Variants in SLC26A3 observed in about 807,000 individuals in gnomAD.
The protein encoded by SLC26A3 is solute carrier family 26 member 3, also known as chloride anion exchanger.
In SLC26A3, 64 loss-of-function variants were observed where a neutral mutation model predicts 85.6. That is an observed-to-expected ratio of 0.75 (90% CI 0.61 to 0.92). The LOEUF (loss-of-function observed/expected upper bound fraction) is 0.92, where lower values mean the gene tolerates loss of function less well. Ranked by LOEUF, SLC26A3 falls within the 40% of genes least tolerant of loss-of-function variation. The pLI is 0.00. For missense variants in SLC26A3, 922 were observed against 927.3 expected, an observed-to-expected ratio of 0.99 and a Z score of 0.07; for synonymous variants, 349 against 336.0, an observed-to-expected ratio of 1.04 and a Z score of -0.42.
At chr7:107,789,982 G>A (rs1794365419) in intron 5 of SLC26A3, among the ~76,000 whole-genome samples, 1 of 152,100 alleles carries the variant, frequency 6.6e-6, no homozygotes, top group Non-Finnish European at 1.5e-5. Context: ...ATTTTTAAGT[G>A]TGCTGTCTTT....
chr7:107,789,188 C>T (rs1794350800), intron 6 of SLC26A3, among the ~76,000 whole-genome samples: 1 of 148,412 alleles, frequency 6.7e-6, no homozygotes, highest in Non-Finnish European at 1.5e-5. Flanking sequence ...GTGATCTCAA[C>T]TCACTGCAAG....
chr7:107,770,479 A>G (rs1794011531), intron 18 of SLC26A3, among the ~76,000 whole-genome samples: 1 of 151,636 alleles, frequency 6.6e-6, no homozygotes, highest in Admixed American at 6.6e-5. Context: ...GCTAGTCTCA[A>G]ACGCTGGGGC....
At chr7:107,786,138 G>A (rs546046536) in intron 8 of SLC26A3, among the ~76,000 whole-genome samples, 2 of 152,276 alleles carry the variant, frequency 1.3e-5, no homozygotes, top group South Asian at 2.1e-4. Context: ...TATCTGGACT[G>A]CTCACGTGGA....
rs2115844472 is a variant in SLC26A3 at position 107,783,113 on chromosome 7, G to A, written c.1120-20C>T. The A allele has an allele frequency of 2.4e-5, 38 of 1,613,328 alleles. No individual in the cohort carries two copies. Among genetic ancestry groups the A allele is most frequent in the Non-Finnish European group, 3.2e-5 (38 of 1,179,252 alleles). On this transcript the variant is annotated intron_variant, in intron 9 of 20. Coordinates refer to ENST00000340010, the MANE Select transcript of SLC26A3 (RefSeq NM_000111.3). The stretch of plus-strand genomic sequence containing the variant: ...TAACTCCTGACAGGAAGACAAGAAT[G>A]AACCTTTTTCAGAAGTGGCACCATT...
At chr7:107,787,651 TA>T in intron 6 of SLC26A3, 142 bp from the exon 7 acceptor site, 1 of 701,928 alleles carries the variant, frequency 1.4e-6, no homozygotes, top group South Asian at 1.8e-5. Context: ...TGCCCCGGTT[TA>T]ATTGTGAATG....
rs386833481 is a variant in SLC26A3 at position 107,791,226 on chromosome 7, G to A, written c.392C>T (p.Pro131Leu). Reference sequence around the variant, plus strand: ...TAGTCCCACCATCATACTCAGAATCGGAAACGGACCTAATTAACAGTGGGT... The same window carrying A: ...TAGTCCCACCATCATACTCAGAATCAGAAACGGACCTAATTAACAGTGGGT... ...TSRHISVGPFPILSMMVGLAV... is the reference protein window; with the variant it reads ...TSRHISVGPFLILSMMVGLAV... Residue 131 changes from proline (P) to leucine (L), a missense_variant, in exon 5 of 21, where the codon CCG becomes CTG. Physicochemically the swap from Pro to Leu is moderately conservative, Grantham distance 98. Coordinates refer to ENST00000340010, the MANE Select transcript of SLC26A3 (RefSeq NM_000111.3). 9.9e-6 allele frequency: 16 copies of A among 1,614,160 alleles called. No individual in the cohort carries two copies. The highest frequency in any genetic ancestry group is 2.2e-5 in the East Asian group (1 of 44,884).
chr7:107,797,740 C>CTTTTTTTTTT (rs375903590), intron 1 of SLC26A3, among the ~76,000 whole-genome samples: 2 of 127,442 alleles, frequency 1.6e-5, no homozygotes, highest in Admixed American at 7.8e-5. Context: ...TGAGCAGGAC[C>CTTTTTTTTTT]TTTTTTTTTT....
intron 18 of SLC26A3, among the ~76,000 whole-genome samples, chr7:107,769,533 G>A (rs1793969834): frequency 1.3e-5 from 2 of 152,058 alleles, no homozygotes; most frequent in Non-Finnish European, 2.9e-5. Flanking sequence ...TGATGAGAAC[G>A]TATGGACACA....
At chr7:107,790,979 A>G in intron 5 of SLC26A3, 69 bp downstream of exon 5, 1 of 1,526,938 alleles carries the variant, frequency 6.5e-7, no homozygotes, top group Non-Finnish European at 9.0e-7. Context: ...GGGGGAGGAA[A>G]AATAGAGAGA....
chr7:107,802,597 G>A (rs1437738938), intron 1 of SLC26A3, among the ~76,000 whole-genome samples: 1 of 151,824 alleles, frequency 6.6e-6, no homozygotes, highest in Non-Finnish European at 1.5e-5. Flanking sequence ...CAAACTCTTG[G>A]GCTAAGCTAT....
chr7:107,767,428 G>T (rs969042869), intron 20 of SLC26A3, 151 bp downstream of exon 20: 5 of 677,416 alleles, frequency 7.4e-6, no homozygotes, highest in African/African-American at 5.4e-5. Flanking sequence ...CTGTGAGATT[G>T]GTTAGCATTG....
At chr7:107,777,850 A>G (rs1794144848) in intron 13 of SLC26A3, among the ~76,000 whole-genome samples, 1 of 152,230 alleles carries the variant, frequency 6.6e-6, no homozygotes, top group African/African-American at 2.4e-5. Context: ...AGGCAAAGAC[A>G]TTAAACCTGC....
intron 1 of SLC26A3, among the ~76,000 whole-genome samples, chr7:107,796,212 G>T (rs1405066610): frequency 6.6e-6 from 1 of 151,746 alleles, no homozygotes; most frequent in South Asian, 2.1e-4. Context: ...AGGCTCAAGC[G>T]GTCCTCCTGT....
chr7:107,793,977 A>T (rs1794451609), intron 2 of SLC26A3, 96 bp from the exon 3 acceptor site: 3 of 1,460,988 alleles, frequency 2.1e-6, no homozygotes, highest in Middle Eastern at 1.7e-4. Context: ...AATATGCTAA[A>T]GATTAAACTA....
rs760420711 is a variant in SLC26A3, at chr7:107,767,925, A to G, written c.2063-17T>C. 1.1e-5 allele frequency: 17 copies of G among 1,611,934 alleles called. No individual in the cohort carries two copies. In the Middle Eastern group the frequency reaches 6.6e-4, roughly 63 times the overall value. ...TGAAGTCATCTGAAGAGAAAAAAACAGTAACTTTTAGGAAGAAACAATTGT... is the reference window on the plus strand; with the variant it reads ...TGAAGTCATCTGAAGAGAAAAAAACGGTAACTTTTAGGAAGAAACAATTGT... On this transcript the variant is annotated splice_polypyrimidine_tract_variant and intron_variant, in intron 18 of 20. Transcript: ENST00000340010.
intron 6 of SLC26A3, among the ~76,000 whole-genome samples, chr7:107,788,885 G>C (rs1220862820): frequency 6.9e-6 from 1 of 144,940 alleles, no homozygotes; most frequent in Non-Finnish European, 1.5e-5. Flanking sequence ...TCTGGCTCAA[G>C]AGATCCTCTG....
Position 107,786,820 on chromosome 7 carries a change from C to T in SLC26A3, c.971+7G>A, listed in dbSNP as rs1371092686. 2.5e-6 allele frequency: 4 copies of T among 1,611,954 alleles called. No individual in the cohort carries two copies. Among genetic ancestry groups the T allele is most frequent in the Non-Finnish European group, 3.4e-6 (4 of 1,178,084 alleles). On this transcript the variant is annotated splice_region_variant and intron_variant, in intron 8 of 20. Coordinates refer to ENST00000340010, the MANE Select transcript of SLC26A3 (RefSeq NM_000111.3). Reference sequence around the variant, plus strand: ...CATGGTGATGCCATCATCGAAGACACACTTACCCAGGATTCATGTCCCCAA... The same window carrying T: ...CATGGTGATGCCATCATCGAAGACATACTTACCCAGGATTCATGTCCCCAA...
chr7:107,786,567 A>T (rs999382301), intron 8 of SLC26A3, among the ~76,000 whole-genome samples: 46 of 151,280 alleles, frequency 3.0e-4, no homozygotes, highest in Admixed American at 1.3e-4. Context: ...TTCTTCCACA[A>T]GGAGAAGCCT....
chr7:107,780,530 C>T (rs762657742), intron 11 of SLC26A3, among the ~76,000 whole-genome samples: 3 of 152,150 alleles, frequency 2.0e-5, no homozygotes, highest in Non-Finnish European at 4.4e-5. Context: ...TGCCCCTCAC[C>T]GTCCTGTTCC....
Sources: gnomAD v4.1 joint callset for allele counts (sites outside exome capture counted in the v4.1 genomes callset) on GRCh38, gnomAD v4.1.1 for gene constraint, MANE v1.5 for transcripts, NCBI Gene and HGNC (gene_info 2026-07-23, HGNC 2026-07-21) for gene names.